Variants in DNAJB11 observed in about 807,000 individuals in gnomAD.
DNAJB11 encodes dnaJ homolog subfamily B member 11.
A neutral mutation model predicts 47.2 loss-of-function variants in DNAJB11; 30 were observed. The observed-to-expected ratio is 0.64, with a 90% CI of 0.48 to 0.86. The LOEUF is 0.86. Among genes scored for constraint, DNAJB11 ranks in the 40% least tolerant of loss-of-function variants. DNAJB11 has a pLI of 0.00. For missense variants in DNAJB11, 357 were observed against 440.2 expected (o/e 0.81, Z 1.69); for synonymous variants, 151 against 159.9 (o/e 0.94, Z 0.42).
rs146864104 is a variant in DNAJB11, at chr3:186,572,984, CAG to C, written c.225+736_225+737del. 5.9e-3 allele frequency among the ~76,000 whole-genome samples: 892 copies of C among 152,234 alleles called. 6 individuals are homozygous for C. The highest frequency in any genetic ancestry group is 0.015 in the African/African-American group (625 of 41,544). ...AAATTTCTTTTTTACATAAATCAAA[CAG>C]AGCACAGTTTTAATTTGATTTTGCA... On this transcript the variant is annotated intron_variant, in intron 2 of 9. Coordinates refer to ENST00000265028, the MANE Select transcript of DNAJB11 (RefSeq NM_016306.6).
At chr3:186,572,432 C>T (rs149905536) in intron 2 of DNAJB11, among the ~76,000 whole-genome samples, 181 bp downstream of exon 2, 267 of 152,316 alleles carry the variant, frequency 1.8e-3, no homozygotes, top group African/African-American at 6.1e-3. Flanking sequence ...ACGTCCACCT[C>T]CTGGGTTCAA....
In DNAJB11 at chr3:186,575,855, G is replaced by C; in HGVS notation, c.241G>C (p.Glu81Gln). ...TTATCCCCAGGTTCTGTCAGATAGTGAGAAACGGAAACAGTACGATACTTA... is the reference window on the plus strand; with the variant it reads ...TTATCCCCAGGTTCTGTCAGATAGTCAGAAACGGAAACAGTACGATACTTA... ...GAAYEVLSDS[E>Q]KRKQYDTYGE... The change falls in exon 3 of 10, where the codon GAG becomes CAG. Residue 81 changes from glutamate (E) to glutamine (Q), a missense_variant. Coordinates refer to ENST00000265028, the MANE Select transcript of DNAJB11 (RefSeq NM_016306.6). 1.2e-6 allele frequency: 2 copies of C among 1,613,662 alleles called. No individual in the cohort carries two copies. Among genetic ancestry groups the C allele is most frequent in the Non-Finnish European group, 1.7e-6 (2 of 1,179,738 alleles).
chr3:186,578,516 T>G (rs569737078), intron 4 of DNAJB11: 14 of 152,360 alleles, frequency 9.2e-5, no homozygotes, highest in African/African-American at 3.4e-4. Context: ...TGAGATCCTA[T>G]AGATTCACTG....
Position 186,582,784 on chromosome 3 carries a change from T to C in DNAJB11, c.740+11T>C. 1 of 1,566,312 alleles carries C rather than the reference T, an allele frequency of 6.4e-7. No homozygotes were observed. ...AATCAAAGTTGTCAAGTAAGTAATC[T>C]AATTTTAGAGGTCTTCTCAGATGAG... On this transcript the variant is annotated intron_variant, in intron 7 of 9. Coordinates refer to ENST00000265028, the MANE Select transcript of DNAJB11 (RefSeq NM_016306.6).
At position 186,582,024 on chromosome 3, in the gene DNAJB11, T is replaced by C. The variant is rs760852405; in HGVS notation, c.629T>C (p.Val210Ala). 4.3e-6 allele frequency: 7 copies of C among 1,613,876 alleles called. No individual in the cohort carries two copies. Among genetic ancestry groups the C allele is most frequent in the Non-Finnish European group, 5.9e-6 (7 of 1,179,814 alleles). Reference protein sequence around the residue: ...KLVNEERTLEVEIEPGVRDGM... With the variant: ...KLVNEERTLEAEIEPGVRDGM... ...GTGAATGAAGAACGAACGCTGGAAGTAGAAATAGAGCCTGGGGTGAGAGAC... is the reference window on the plus strand; with the variant it reads ...GTGAATGAAGAACGAACGCTGGAAGCAGAAATAGAGCCTGGGGTGAGAGAC... The change falls in exon 6 of 10, where the codon GTA (valine) becomes GCA (alanine). Residue 210 changes from valine (V) to alanine (A), a missense_variant. Coordinates refer to ENST00000265028, the MANE Select transcript of DNAJB11 (RefSeq NM_016306.6).
chr3:186,572,437 GT>G (rs1374578459), intron 2 of DNAJB11, among the ~76,000 whole-genome samples, 186 bp downstream of exon 2: 1 of 152,158 alleles, frequency 6.6e-6, no homozygotes, highest in South Asian at 2.1e-4. Flanking sequence ...CACCTCCTGG[GT>G]TCAAGCAGTT....
In DNAJB11 at chr3:186,577,784, C is replaced by T; in HGVS notation, c.440C>T (p.Ala147Val). ...GAAGTCACTTTGGAAGAAGTATATG[C>T]AGGAAATTTTGTGGAAGTAAGTTCA... ...DLEVTLEEVY[A>V]GNFVEVVRNK... Residue 147 changes from alanine to valine, a missense_variant, in exon 4 of 10, where the codon GCA becomes GTA. Transcript: ENST00000265028. 1 of 1,599,396 alleles carries T rather than the reference C, an allele frequency of 6.3e-7. No homozygotes were observed. The highest frequency in any genetic ancestry group is 8.5e-7 in the Non-Finnish European group (1 of 1,174,942).
At chr3:186,584,011 T>G (rs780091046) in intron 8 of DNAJB11, 35 bp downstream of exon 8, 1 of 1,484,008 alleles carries the variant, frequency 6.7e-7, no homozygotes, top group Non-Finnish European at 9.4e-7. Flanking sequence ...TGCATCCTTT[T>G]GAAGCCTTTA....
chr3:186,574,311 A>G (rs1195942669), intron 2 of DNAJB11, among the ~76,000 whole-genome samples: 1 of 152,220 alleles, frequency 6.6e-6, no homozygotes, highest in Non-Finnish European at 1.5e-5. Flanking sequence ...GGGTTATTAC[A>G]GAAGCCTCTG....
chr3:186,582,901 C>T, intron 7 of DNAJB11, 128 bp downstream of exon 7: 1 of 693,608 alleles, frequency 1.4e-6, no homozygotes, highest in South Asian at 1.8e-5. Context: ...TTTGTAACTC[C>T]TCTACAAGGC....
At chr3:186,577,623 T>G in intron 3 of DNAJB11, 45 bp from the exon 4 acceptor site, 1 of 1,431,260 alleles carries the variant, frequency 7.0e-7, no homozygotes, top group South Asian at 1.4e-5. Context: ...AAACATAGAG[T>G]CTTGATTTTT....
At chr3:186,575,617 A>G (rs533717384) in intron 2 of DNAJB11, among the ~76,000 whole-genome samples, 4 of 152,338 alleles carry the variant, frequency 2.6e-5, no homozygotes, top group African/African-American at 9.6e-5. Context: ...AGAACTTTAA[A>G]TTAAAAACAT....
chr3:186,585,490 G>A lies in DNAJB11; in HGVS notation c.*82G>A. 1 of 1,129,764 alleles carries A rather than the reference G, an allele frequency of 8.9e-7. No homozygotes were observed. Among genetic ancestry groups the A allele is most frequent in the Non-Finnish European group, 1.3e-6 (1 of 784,566 alleles). The allele number at this position is 1,129,764 out of a possible 1,614,324, so 70.0% of individuals were successfully genotyped here. A position where few individuals can be genotyped will look rare whatever the true frequency, so the allele number is the denominator to read the frequency against. ...GCAAGGTTTTTTTGTGTGTGTTTTT[G>A]TTTTTATTTTCAATATGCAAGTTAG... On this transcript the variant is annotated 3_prime_UTR_variant, in exon 10 of 10. Transcript: ENST00000265028.
In DNAJB11 at chr3:186,584,602, A is replaced by ATTGTGTGTGTCTGT; in HGVS notation, c.1012+13_1012+14insTTGTGTGTGTCTGT. On this transcript the variant is annotated intron_variant, in intron 9 of 9. Transcript: ENST00000265028. ...GAAGCGAGAGAAGGTATGGCATATT[A>ATTGTGTGTGTCTGT]GTGTGTGTGTGTGTGTGTGTTTGTG... 6.8e-7 allele frequency: 1 copy of ATTGTGTGTGTCTGT among 1,468,850 alleles called. No homozygotes were observed. The allele number at this position is 1,468,850 out of a possible 1,614,324, so 91.0% of individuals were successfully genotyped here. A position where few individuals can be genotyped will look rare whatever the true frequency, so the allele number is the denominator to read the frequency against.
chr3:186,583,877 T>C lies in DNAJB11; in HGVS notation c.753T>C (p.Phe251=), dbSNP rs1417886304. The change falls in exon 8 of 10, where the codon TTT becomes TTC. Residue 251 remains phenylalanine, a synonymous_variant. Transcript: ENST00000265028. ...FRIKVVKHPI[F]ERRGDDLYTN... ...ATTCTGTTTTTAGGCACCCAATATT[T>C]GAAAGGAGAGGAGATGATTTGTACA... The C allele has an allele frequency of 6.2e-7, 1 of 1,613,122 alleles. No individual in the cohort carries two copies. Among genetic ancestry groups the C allele is most frequent in the Non-Finnish European group, 8.5e-7 (1 of 1,179,190 alleles).
Position 186,585,581 on chromosome 3 carries a change from C to T in DNAJB11, c.*173C>T. The stretch of plus-strand genomic sequence containing the variant: ...GAGGGCTTAAGAATTTGTCCATTTG[C>T]ATTCGGAAAAGAATGACCAGCAAAA... On this transcript the variant is annotated 3_prime_UTR_variant, in exon 10 of 10. Transcript: ENST00000265028. 2.2e-6 allele frequency: 1 copy of T among 448,716 alleles called. No homozygotes were observed. Among genetic ancestry groups the T allele is most frequent in the Non-Finnish European group, 4.0e-6 (1 of 250,374 alleles). 27.8% of individuals were successfully genotyped at this position (448,716 alleles called of 1,614,324 possible). A position where few individuals can be genotyped will look rare whatever the true frequency, so the allele number is the denominator to read the frequency against.
chr3:186,576,614 G>T (rs770071933), intron 3 of DNAJB11, among the ~76,000 whole-genome samples: 1 of 152,008 alleles, frequency 6.6e-6, no homozygotes, highest in South Asian at 2.1e-4. Context: ...ATTCTCAAAG[G>T]GTTCTGTGAA....
At chr3:186,577,202 GCATGTAAAGAGAA>G (rs1715329562) in intron 3 of DNAJB11, among the ~76,000 whole-genome samples, 1 of 152,104 alleles carries the variant, frequency 6.6e-6, no homozygotes, top group African/African-American at 2.4e-5. Flanking sequence ...CTTCTAAAAA[GCATGTAAAGAGAA>G]CACTACATAT....
At position 186,575,850 on chromosome 3, in the gene DNAJB11, A is replaced by G; in HGVS notation, c.236A>G (p.Asp79Gly). 1 of 1,613,720 alleles carries G rather than the reference A, an allele frequency of 6.2e-7. No individual in the cohort carries two copies. The highest frequency in any genetic ancestry group is 8.5e-7 in the Non-Finnish European group (1 of 1,179,692). The change falls in exon 3 of 10, where the codon GAT (aspartate) becomes GGT (glycine). Residue 79 changes from aspartate (D) to glycine (G), a missense_variant. By Grantham distance (94) the Asp-to-Gly change is moderately conservative. Coordinates refer to ENST00000265028, the MANE Select transcript of DNAJB11 (RefSeq NM_016306.6). ...DLGAAYEVLS[D>G]SEKRKQYDTY... ...GGCTTTTATCCCCAGGTTCTGTCAG[A>G]TAGTGAGAAACGGAAACAGTACGAT...
Sources: gnomAD v4.1 joint callset for allele counts (sites outside exome capture counted in the v4.1 genomes callset) on GRCh38, gnomAD v4.1.1 for gene constraint, MANE v1.5 for transcripts, NCBI Gene and HGNC (gene_info 2026-07-23, HGNC 2026-07-21) for gene names.